The following ATP13A5 variants were observed in gnomAD, a reference collection of about 807,000 sequenced individuals.
ATP13A5 encodes ATPase 13A5.
ATP13A5 carries 149 observed loss-of-function variants against 150.2 expected under a neutral mutation model. The ratio of observed to expected loss-of-function variants is 0.99; its 90% CI spans 0.87 to 1.14. The LOEUF (loss-of-function observed/expected upper bound fraction) is 1.14. ATP13A5 is among the 50% of genes most tolerant of loss of function. The pLI is 0.00. For missense variants in ATP13A5, 1,383 were observed against 1,449.3 expected (o/e 0.95, Z 0.74); for synonymous variants, 497 against 522.2 (o/e 0.95, Z 0.66).
chr3:193,361,909 G>A (rs1260865665), intron 5 of ATP13A5, among the ~76,000 whole-genome samples: 1 of 152,108 alleles, frequency 6.6e-6, no homozygotes, highest in Non-Finnish European at 1.5e-5. Flanking sequence ...TATGTATTGA[G>A]CTCCTACCAA....
At chr3:193,342,898 G>T (rs886494313) in intron 9 of ATP13A5, among the ~76,000 whole-genome samples, 12 of 152,124 alleles carry the variant, frequency 7.9e-5, no homozygotes, top group Admixed American at 6.6e-5. Flanking sequence ...AGATACTATG[G>T]CAACATTCTG....
At chr3:193,289,742 G>T (rs1717870981) in intron 26 of ATP13A5, 143 bp downstream of exon 26, 4 of 713,880 alleles carry the variant, frequency 5.6e-6, no homozygotes, top group South Asian at 2.1e-5. Flanking sequence ...GATTAACTGT[G>T]TTCTGTCCCA....
rs750533495 is a variant in ATP13A5 at position 193,275,025 on chromosome 3, T to C, written c.*17A>G. 1 of 1,613,640 alleles carries C rather than the reference T, an allele frequency of 6.2e-7. No individual in the cohort carries two copies. Among genetic ancestry groups the C allele is most frequent in the Non-Finnish European group, 8.5e-7 (1 of 1,179,716 alleles). On this transcript the variant is annotated 3_prime_UTR_variant, in exon 30 of 30. Transcript: ENST00000342358. ...GAAAAAAGCAATGCTGTTGAGCATG[T>C]ACGACGACAATTCTGATTACAGCCT...
At position 193,301,064 on chromosome 3, in the gene ATP13A5, C is replaced by T. The variant is rs1222984136; in HGVS notation, c.2775+147G>A. The T allele has an allele frequency of 1.0e-5, 7 of 701,330 alleles. No individual in the cohort carries two copies. In the East Asian group the frequency reaches 1.3e-4, roughly 13 times the overall value. The allele number at this position is 701,330 out of a possible 1,614,324, so 43.4% of individuals were successfully genotyped here. On this transcript the variant is annotated intron_variant, in intron 24 of 29. Coordinates refer to ENST00000342358, the MANE Select transcript of ATP13A5 (RefSeq NM_198505.4). Reference sequence around the variant, plus strand: ...TAGTTCCACATTTCATGCACAGTTACACCAGGTTCCTGAGTTTGCAGACAC... The same window carrying T: ...TAGTTCCACATTTCATGCACAGTTATACCAGGTTCCTGAGTTTGCAGACAC...
chr3:193,299,804 T>G (rs535302505), intron 24 of ATP13A5, among the ~76,000 whole-genome samples: 1 of 152,302 alleles, frequency 6.6e-6, no homozygotes, highest in Non-Finnish European at 1.5e-5. Flanking sequence ...ATCATTACTC[T>G]CCAGGAAGTT....
At chr3:193,286,165 A>T (rs1024651477) in intron 26 of ATP13A5, among the ~76,000 whole-genome samples, 3 of 152,140 alleles carry the variant, frequency 2.0e-5, no homozygotes, top group African/African-American at 7.2e-5. Context: ...ATTAGTTTCC[A>T]CCAGCTTTCT....
chr3:193,338,765 G>A (rs967572676), intron 9 of ATP13A5, among the ~76,000 whole-genome samples: 9 of 152,282 alleles, frequency 5.9e-5, no homozygotes, highest in African/African-American at 2.2e-4. Flanking sequence ...AGTTAGGGAG[G>A]ATTCCCTCTT....
At chr3:193,367,312 T>G (rs1713274154) in intron 1 of ATP13A5, among the ~76,000 whole-genome samples, 1 of 152,032 alleles carries the variant, frequency 6.6e-6, no homozygotes, top group Admixed American at 6.6e-5. Context: ...AATACGAATA[T>G]TTTGTGTTTA....
At chr3:193,297,521 A>G (rs960443772) in intron 25 of ATP13A5, among the ~76,000 whole-genome samples, 1 of 152,026 alleles carries the variant, frequency 6.6e-6, no homozygotes, top group East Asian at 1.9e-4. Context: ...TCCTTCACCA[A>G]TCTCCCTGAG....
chr3:193,343,188 T>C (rs1045548340), intron 9 of ATP13A5, among the ~76,000 whole-genome samples: 1 of 152,176 alleles, frequency 6.6e-6, no homozygotes, highest in Non-Finnish European at 1.5e-5. Flanking sequence ...TCTGTAAGCA[T>C]AAAAGACAAA....
chr3:193,375,306 A>G (rs571240552), intron 1 of ATP13A5, among the ~76,000 whole-genome samples: 1 of 152,356 alleles, frequency 6.6e-6, no homozygotes, highest in Admixed American at 6.5e-5. Context: ...GCCTAACAGA[A>G]CTAGAATTCA....
Position 193,334,000 on chromosome 3 carries a change from G to T in ATP13A5, c.1115-93C>A, listed in dbSNP as rs1711748744. 5 of 1,179,978 alleles carry T rather than the reference G, an allele frequency of 4.2e-6. No individual in the cohort carries two copies. The Admixed American group carries it at 9.2e-5, about 22-fold the overall frequency. The allele number at this position is 1,179,978 out of a possible 1,614,324, so 73.1% of individuals were successfully genotyped here. On this transcript the variant is annotated intron_variant, in intron 10 of 29. Transcript: ENST00000342358. ...TACTGTCTTTGAGGAAAAGAGTAGA[G>T]TGTCCTCTAACCTTCTACCTAATCA...
intron 28 of ATP13A5, 143 bp downstream of exon 28, chr3:193,279,223 T>G: frequency 4.9e-6 from 3 of 613,128 alleles, no homozygotes; most frequent in Non-Finnish European, 8.7e-6. Flanking sequence ...TCCAGATATC[T>G]TATTTGCCCT....
Position 193,299,217 on chromosome 3 carries a change from A to G in ATP13A5, c.2776-14T>C, listed in dbSNP as rs753146914. On this transcript the variant is annotated splice_polypyrimidine_tract_variant and intron_variant, in intron 24 of 29. Transcript: ENST00000342358. ...GAGTTGTAGTTGCTGAAAAAGAAAC[A>G]AAAGCAAATATAAATGTGGCATCTG... 24 of 1,598,242 alleles carry G rather than the reference A, an allele frequency of 1.5e-5. No individual in the cohort carries two copies. The South Asian group carries it at 2.2e-4, about 15-fold the overall frequency.
At chr3:193,276,880 A>T (rs1399940302) in intron 28 of ATP13A5, 50 bp from the exon 29 acceptor site, 2 of 1,255,562 alleles carry the variant, frequency 1.6e-6, no homozygotes, top group African/African-American at 1.5e-5. Flanking sequence ...TCACACTTTG[A>T]AAAAAGACCA....
At chr3:193,339,909 A>G (rs548237032) in intron 9 of ATP13A5, among the ~76,000 whole-genome samples, 1 of 152,316 alleles carries the variant, frequency 6.6e-6, no homozygotes, top group South Asian at 2.1e-4. Flanking sequence ...GTATTGATCA[A>G]TCAGTAATGG....
chr3:193,368,392 T>TGTG (rs141117491), intron 1 of ATP13A5, among the ~76,000 whole-genome samples: 1 of 147,248 alleles, frequency 6.8e-6, no homozygotes. Context: ...CTCTTCAGAC[T>TGTG]TGTGTGTGTG....
intron 5 of ATP13A5, among the ~76,000 whole-genome samples, chr3:193,354,404 G>A (rs1054457319): frequency 6.6e-6 from 1 of 151,902 alleles, no homozygotes; most frequent in Non-Finnish European, 1.5e-5. Context: ...TGTAGTCCTC[G>A]ATACAAATAT....
chr3:193,286,723 A>G (rs1717738175), intron 26 of ATP13A5, among the ~76,000 whole-genome samples: 1 of 152,150 alleles, frequency 6.6e-6, no homozygotes, highest in African/African-American at 2.4e-5. Flanking sequence ...TGTTCAATTA[A>G]TAACCCCACA....
Sources: gnomAD v4.1 joint callset for allele counts (sites outside exome capture counted in the v4.1 genomes callset) on GRCh38, gnomAD v4.1.1 for gene constraint, MANE v1.5 for transcripts, NCBI Gene and HGNC (gene_info 2026-07-23, HGNC 2026-07-21) for gene names.